Variants in DHTKD1 observed in about 807,000 individuals in gnomAD.
DHTKD1 encodes the protein 2-oxoadipate dehydrogenase complex component E1.
A neutral mutation model predicts 101.8 loss-of-function variants in DHTKD1; 78 were observed. The ratio of observed to expected loss-of-function variants is 0.77; its 90% CI spans 0.64 to 0.93. DHTKD1 has a LOEUF of 0.93. Among genes scored for constraint, DHTKD1 ranks in the 40% least tolerant of loss-of-function variants. The pLI is 0.00. For synonymous variants in DHTKD1, 462 were observed against 450.3 expected (o/e 1.03, Z -0.33); for missense variants, 1,223 against 1,161.7 (o/e 1.05, Z -0.77).
chr10:12,093,105 G>A (rs942207861), intron 6 of DHTKD1, among the ~76,000 whole-genome samples: 8 of 150,230 alleles, frequency 5.3e-5, no homozygotes, highest in Admixed American at 4.7e-4. Context: ...GTGCAATGGC[G>A]CCATCTCGGT....
chr10:12,098,674 C>T (rs1833111312), intron 8 of DHTKD1, among the ~76,000 whole-genome samples: 2 of 152,190 alleles, frequency 1.3e-5, no homozygotes, highest in Admixed American at 1.3e-4. Context: ...AAACGATTCT[C>T]CTGCCTCAGC....
At chr10:12,094,841 A>G (rs1833044653) in intron 7 of DHTKD1, among the ~76,000 whole-genome samples, 1 of 151,558 alleles carries the variant, frequency 6.6e-6, no homozygotes, top group Admixed American at 6.6e-5. Flanking sequence ...GGGTTTCGCC[A>G]TGTTGGCTAG....
rs370758119 is a variant in DHTKD1 at position 12,119,077 on chromosome 10, T to C, written c.2572+159T>C. The stretch of plus-strand genomic sequence containing the variant: ...ATCCTGGCACTTTGGGAAGCTGAGG[T>C]GGGTGGATCACAAGGTCAGGAGATT... On this transcript the variant is annotated intron_variant, in intron 15 of 16. Coordinates refer to ENST00000263035, the MANE Select transcript of DHTKD1 (RefSeq NM_018706.7). Among the ~76,000 whole-genome samples, 7 of 151,526 alleles carry C rather than the reference T, an allele frequency of 4.6e-5. No individual in the cohort carries two copies. The South Asian group carries it at 8.4e-4, about 18-fold the overall frequency.
In DHTKD1 at chr10:12,100,228, G is replaced by A. The variant is rs777399899; in HGVS notation, c.1722G>A (p.Ala574=). Reference sequence around the variant, plus strand: ...GAATCAAGCTAGACTGGGCCACCGCGGAAGCTCTTGCCTTGGGTTCTTTAC... The same window carrying A: ...GAATCAAGCTAGACTGGGCCACCGCAGAAGCTCTTGCCTTGGGTTCTTTAC... The part of the protein sequence containing the change: ...MDGIKLDWAT[A]EALALGSLLA... Residue 574 remains alanine (A), a synonymous_variant, in exon 9 of 17, where the codon GCG becomes GCA. Transcript: ENST00000263035. The A allele has an allele frequency of 1.9e-5, 30 of 1,576,788 alleles. No homozygotes were observed. The highest frequency in any genetic ancestry group is 1.7e-4 in the Middle Eastern group (1 of 5,896).
At position 12,107,069 on chromosome 10, in the gene DHTKD1, C is replaced by T. The variant is rs1483616713; in HGVS notation, c.2047+673C>T. Among the ~76,000 whole-genome samples, 4 of 151,944 alleles carry T rather than the reference C, an allele frequency of 2.6e-5. No homozygotes were observed. The East Asian group carries it at 7.8e-4, about 30-fold the overall frequency. On this transcript the variant is annotated intron_variant, in intron 11 of 16. Coordinates refer to ENST00000263035, the MANE Select transcript of DHTKD1 (RefSeq NM_018706.7). This position sits in a 1 kb window ranked among gnomAD's most constrained non-coding sequence, Gnocchi z 4.1. ...GTGCGATCTCGGCTCACTGCAAGCT[C>T]CGCCTACTGGGTTTGCACGATTCTC...
intron 14 of DHTKD1, among the ~76,000 whole-genome samples, 167 bp from the exon 15 acceptor site, chr10:12,118,582 C>T (rs561742844): frequency 6.6e-6 from 1 of 151,978 alleles, no homozygotes; most frequent in Non-Finnish European, 1.5e-5. Context: ...CAGGGTTTCA[C>T]CGTGTTAGCC....
chr10:12,084,597 A>T lies in DHTKD1; in HGVS notation c.368A>T (p.Asn123Ile). The T allele has an allele frequency of 6.2e-7, 1 of 1,613,848 alleles. No homozygotes were observed. The highest frequency in any genetic ancestry group is 8.5e-7 in the Non-Finnish European group (1 of 1,179,712). The change falls in exon 3 of 17, where the codon AAT becomes ATT. Residue 123 changes from asparagine (N) to isoleucine (I), a missense_variant. Transcript: ENST00000263035. ...CTTGAGGAAGTGTTAGTCTATCTCA[A>T]TCAAATCTACTGTGGGCAGATTTCT... ...ASLEEVLVYL[N>I]QIYCGQISIE...
intron 12 of DHTKD1, among the ~76,000 whole-genome samples, chr10:12,108,943 G>C (rs1833288278): frequency 3.3e-5 from 5 of 152,114 alleles, no homozygotes; most frequent in Admixed American, 3.3e-4. Context: ...CTTGAGATCA[G>C]GAGTTTGAGA....
chr10:12,120,711 C>T (rs1833513679), intron 16 of DHTKD1, 76 bp from the exon 17 acceptor site: 1 of 1,191,902 alleles, frequency 8.4e-7, no homozygotes, highest in Non-Finnish European at 1.2e-6. Flanking sequence ...GAAATACATG[C>T]ACTGTCTTGT....
At chr10:12,083,303 A>T (rs1588605047) in intron 2 of DHTKD1, among the ~76,000 whole-genome samples, 1 of 152,352 alleles carries the variant, frequency 6.6e-6, no homozygotes, top group Admixed American at 6.5e-5. Context: ...ATCACAAAGA[A>T]AATCTCACAA....
intron 8 of DHTKD1, 48 bp from the exon 9 acceptor site, chr10:12,100,130 A>C: frequency 2.6e-6 from 3 of 1,136,512 alleles, no homozygotes; most frequent in Non-Finnish European, 2.6e-6. Flanking sequence ...GTGAAAAAGG[A>C]AATGGACTCT....
At position 12,094,207 on chromosome 10, in the gene DHTKD1, C is replaced by G; in HGVS notation, c.1294C>G (p.Gln432Glu). The change falls in exon 7 of 17, where the codon CAG (glutamine) becomes GAG (glutamate). Residue 432 changes from glutamine (Q) to glutamate (E), a missense_variant. Transcript: ENST00000263035. ...DVIIDLLCYR[Q>E]WGHNELDEPF... is the part of the protein sequence containing the mutation. ...GATTATTGATCTGTTGTGCTACAGG[C>G]AGTGGGGCCACAATGAGCTGGATGA... The G allele has an allele frequency of 6.2e-7, 1 of 1,614,174 alleles. No homozygotes were observed. Among genetic ancestry groups the G allele is most frequent in the Non-Finnish European group, 8.5e-7 (1 of 1,180,030 alleles).
At chr10:12,096,316 G>T (rs530789473) in intron 7 of DHTKD1, among the ~76,000 whole-genome samples, 2 of 152,322 alleles carry the variant, frequency 1.3e-5, no homozygotes, top group East Asian at 3.9e-4. Context: ...GCTCTCAGAA[G>T]AACTAATTGT....
At chr10:12,093,957 A>G in intron 6 of DHTKD1, 116 bp from the exon 7 acceptor site, 2 of 911,638 alleles carry the variant, frequency 2.2e-6, no homozygotes, top group Non-Finnish European at 3.5e-6. Flanking sequence ...TGTTAACCAA[A>G]CCAATATCTA....
At chr10:12,072,347 G>A (rs994976753) in intron 1 of DHTKD1, among the ~76,000 whole-genome samples, 6 of 151,938 alleles carry the variant, frequency 3.9e-5, no homozygotes, top group Non-Finnish European at 5.9e-5. Flanking sequence ...CTATAATACC[G>A]GTTACTCGGG....
rs1833521003 is a variant in DHTKD1, at chr10:12,121,162, G to T, written c.*274G>T. On this transcript the variant is annotated 3_prime_UTR_variant, in exon 17 of 17. Transcript: ENST00000263035. Reference sequence around the variant, plus strand: ...TTGAATCTGGGAGGCGGAGGTTGCAGTGAGCCAGGATCACACCATTGCTGT... The same window carrying T: ...TTGAATCTGGGAGGCGGAGGTTGCATTGAGCCAGGATCACACCATTGCTGT... The T allele has an allele frequency of 2.9e-6, 1 of 349,546 alleles. No homozygotes were observed. Among genetic ancestry groups the T allele is most frequent in the Admixed American group, 3.9e-5 (1 of 25,938 alleles). The allele number at this position is 349,546 out of a possible 1,614,324, so 21.7% of individuals were successfully genotyped here.
intron 3 of DHTKD1, among the ~76,000 whole-genome samples, chr10:12,085,614 C>T (rs941324921): frequency 5.3e-5 from 8 of 152,122 alleles, no homozygotes; most frequent in Non-Finnish European, 5.9e-5. Context: ...CACAGTGGCT[C>T]GCGCCTGTCA....
chr10:12,100,218 G>T lies in DHTKD1; in HGVS notation c.1712G>T (p.Trp571Leu). The T allele has an allele frequency of 6.3e-7, 1 of 1,595,638 alleles. No individual in the cohort carries two copies. Among genetic ancestry groups the T allele is most frequent in the Non-Finnish European group, 8.5e-7 (1 of 1,171,428 alleles). Reference protein sequence around the residue: ...EKMMDGIKLDWATAEALALGS... With the variant: ...EKMMDGIKLDLATAEALALGS... ...ATGATGGACGGAATCAAGCTAGACT[G>T]GGCCACCGCGGAAGCTCTTGCCTTG... Residue 571 changes from tryptophan to leucine, a missense_variant, in exon 9 of 17, where the codon TGG becomes TTG. Trp to Leu is a moderately conservative substitution (Grantham distance 61, BLOSUM62 -2). Transcript: ENST00000263035.
chr10:12,076,662 G>A (rs1832736352), intron 1 of DHTKD1, among the ~76,000 whole-genome samples: 1 of 152,034 alleles, frequency 6.6e-6, no homozygotes, highest in Admixed American at 6.6e-5. Context: ...GCCAGACCCT[G>A]TTTCTTTTTT....
Sources: gnomAD v4.1 joint callset for allele counts (sites outside exome capture counted in the v4.1 genomes callset) on GRCh38, gnomAD v4.1.1 for gene constraint, Gnocchi (gnomAD v3.1) non-coding constraint, MANE v1.5 for transcripts, NCBI Gene and HGNC (gene_info 2026-07-23, HGNC 2026-07-21) for gene names.